Variants in ALPK2 observed in about 807,000 individuals in gnomAD.
ALPK2 encodes alpha kinase 2.
ALPK2 carries 127 observed loss-of-function variants against 163.1 expected under a neutral mutation model. The ratio of observed to expected loss-of-function variants is 0.78; its 90% CI spans 0.67 to 0.90. The LOEUF (loss-of-function observed/expected upper bound fraction) is 0.90, where lower values mean the gene tolerates loss of function less well. Among genes scored for constraint, ALPK2 ranks in the 40% least tolerant of loss-of-function variants. The pLI is 0.00. For missense variants in ALPK2, 2,360 were observed against 2,589.6 expected, an observed-to-expected ratio of 0.91 and a Z score of 1.92; for synonymous variants, 953 against 959.1, an observed-to-expected ratio of 0.99 and a Z score of 0.12.
intron 11 of ALPK2, among the ~76,000 whole-genome samples, chr18:58,501,534 G>A (rs570606364): frequency 2.2e-4 from 34 of 152,160 alleles, no homozygotes; most frequent in Non-Finnish European, 3.7e-4. Context: ...AGGAAGAACC[G>A]TACACATACC....
chr18:58,489,731 A>G (rs2051362650), intron 12 of ALPK2, among the ~76,000 whole-genome samples: 3 of 152,112 alleles, frequency 2.0e-5, no homozygotes. Context: ...TCCCTAGGAC[A>G]TTCAAAATAC....
chr18:58,574,658 A>T (rs2051910003), intron 4 of ALPK2, among the ~76,000 whole-genome samples: 1 of 152,032 alleles, frequency 6.6e-6, no homozygotes. Context: ...TCTGAAGTGG[A>T]ACAGTTTCAT....
Position 58,537,091 on chromosome 18 carries a change from A to G in ALPK2, c.3096T>C (p.His1032=). ...GGAACCTCTCCTCAGTGCCACCTGC[A>G]TGCTTGTCCTCAGGAATTGACACAG... ...YLAVSIPEDK[H]AGGTEERFPR... Residue 1032 remains histidine, a synonymous_variant, in exon 5 of 13, where the codon CAT becomes CAC. Coordinates refer to ENST00000361673, the MANE Select transcript of ALPK2 (RefSeq NM_052947.4). 3 of 1,614,210 alleles carry G rather than the reference A, an allele frequency of 1.9e-6. No individual in the cohort carries two copies. The highest frequency in any genetic ancestry group is 2.5e-6 in the Non-Finnish European group (3 of 1,180,030).
At chr18:58,555,083 T>C (rs923547425) in intron 4 of ALPK2, among the ~76,000 whole-genome samples, 3 of 152,212 alleles carry the variant, frequency 2.0e-5, no homozygotes, top group African/African-American at 4.8e-5. Context: ...CATAGCAGTA[T>C]GAAAATGGAC....
chr18:58,548,671 C>G (rs1384293216), intron 4 of ALPK2, among the ~76,000 whole-genome samples: 5 of 152,148 alleles, frequency 3.3e-5, no homozygotes, highest in African/African-American at 9.7e-5. Flanking sequence ...AGTACAATCA[C>G]AGGTGACGCA....
At chr18:58,519,259 A>C (rs771176229) in intron 8 of ALPK2, among the ~76,000 whole-genome samples, 8 of 152,044 alleles carry the variant, frequency 5.3e-5, no homozygotes, top group Admixed American at 1.3e-4. Context: ...AGGTGAGAAA[A>C]TAGAGGGAAT....
chr18:58,546,421 G>A (rs1469414155), intron 4 of ALPK2, among the ~76,000 whole-genome samples: 2 of 152,182 alleles, frequency 1.3e-5, no homozygotes, highest in Non-Finnish European at 2.9e-5. Context: ...GACATGGTAC[G>A]AGTGGAAGGG....
At chr18:58,506,805 G>A (rs1228336270) in intron 10 of ALPK2, among the ~76,000 whole-genome samples, 1 of 152,152 alleles carries the variant, frequency 6.6e-6, no homozygotes, top group Admixed American at 6.5e-5. Context: ...TCTCTGTGGG[G>A]GTGGCAGGGG....
intron 12 of ALPK2, among the ~76,000 whole-genome samples, chr18:58,490,999 C>T (rs531052515): frequency 1.1e-4 from 17 of 152,316 alleles, no homozygotes; most frequent in African/African-American, 3.8e-4. Flanking sequence ...GAGGAGGGGG[C>T]GTTGTAGGTA....
At chr18:58,567,857 C>T (rs986032222) in intron 4 of ALPK2, among the ~76,000 whole-genome samples, 1 of 152,164 alleles carries the variant, frequency 6.6e-6, no homozygotes, top group South Asian at 2.1e-4. Flanking sequence ...ACTCCAAGCC[C>T]GTGTGTCTAA....
At chr18:58,542,400 C>T (rs544120586) in intron 4 of ALPK2, among the ~76,000 whole-genome samples, 5 of 152,272 alleles carry the variant, frequency 3.3e-5, no homozygotes, top group Non-Finnish European at 7.4e-5. Flanking sequence ...ACAGGCAGAG[C>T]CTTGAGCTAT....
chr18:58,488,755 AGAATT>A (rs2051354320), intron 12 of ALPK2, among the ~76,000 whole-genome samples: 1 of 152,008 alleles, frequency 6.6e-6, no homozygotes, highest in East Asian at 1.9e-4. Context: ...ATGGGGGTGA[AGAATT>A]GAAACAAAGC....
rs78454859 is a variant in ALPK2 at position 58,622,380 on chromosome 18, C to A, written c.-21+6384G>T. On this transcript the variant is annotated intron_variant, in intron 1 of 12. Transcript: ENST00000361673. ...AATTAAATACATAAATAAATAAAACCTGTGTGAGAGTTTAGTACCTCCCCT... is the reference window on the plus strand; with the variant it reads ...AATTAAATACATAAATAAATAAAACATGTGTGAGAGTTTAGTACCTCCCCT... Among the ~76,000 whole-genome samples the A allele has an allele frequency of 5.5e-3, 833 of 152,152 alleles. 4 individuals carry two copies. The highest frequency in any genetic ancestry group is 0.019 in the African/African-American group (802 of 41,498).
At position 58,535,534 on chromosome 18, in the gene ALPK2, A is replaced by C; in HGVS notation, c.4653T>G (p.Ala1551=). 2 of 1,614,202 alleles carry C rather than the reference A, an allele frequency of 1.2e-6. No homozygotes were observed. Among genetic ancestry groups the C allele is most frequent in the East Asian group, 2.2e-5 (1 of 44,886 alleles). The change falls in exon 5 of 13, where the codon GCT becomes GCG. Residue 1551 remains alanine (A), a synonymous_variant. Transcript: ENST00000361673. ...LSSCLPIMTH[A]SLGVDTHNST... ...AGTTGTGCGTGTCAACCCCAAGAGA[A>C]GCGTGAGTCATTATTGGAAGACAAC...
At chr18:58,515,765 A>T (rs1164119453) in intron 9 of ALPK2, among the ~76,000 whole-genome samples, 1 of 152,218 alleles carries the variant, frequency 6.6e-6, no homozygotes, top group Admixed American at 6.5e-5. Context: ...TTAATGCTTG[A>T]CTGTACCTGA....
intron 10 of ALPK2, among the ~76,000 whole-genome samples, chr18:58,506,040 G>A (rs1410283483): frequency 6.6e-6 from 1 of 152,076 alleles, no homozygotes; most frequent in African/African-American, 2.4e-5. Context: ...CGACTTCCTT[G>A]CTTTAAATAC....
chr18:58,531,934 T>TAAA, intron 5 of ALPK2, among the ~76,000 whole-genome samples: 1 of 5,936 alleles, frequency 1.7e-4, no homozygotes, highest in African/African-American at 5.4e-4. Context: ...AGGCTCCGTC[T>TAAA]CAAAAAAAAA....
rs2051938177 is a variant in ALPK2, at chr18:58,578,895, G to A, written c.1881C>T (p.Asn627=). ...GCATGCCTTCTCCCTTGCAATTTGT[G>A]TTGCCTTCTTTGGAGACTGAGTCTG... The part of the protein sequence containing the change: ...TSTDSVSKEG[N]TNCKGEGMQV... Residue 627 remains asparagine, a synonymous_variant, in exon 4 of 13, where the codon AAC becomes AAT. Coordinates refer to ENST00000361673, the MANE Select transcript of ALPK2 (RefSeq NM_052947.4). 1 of 1,614,202 alleles carries A rather than the reference G, an allele frequency of 6.2e-7. No individual in the cohort carries two copies. Among genetic ancestry groups the A allele is most frequent in the African/African-American group, 1.3e-5 (1 of 75,040 alleles).
At chr18:58,530,272 G>A (rs1375332679) in intron 5 of ALPK2, among the ~76,000 whole-genome samples, 1 of 152,220 alleles carries the variant, frequency 6.6e-6, no homozygotes, top group Non-Finnish European at 1.5e-5. Flanking sequence ...TACCCTGGAA[G>A]TGATAATGGG....
Sources: gnomAD v4.1 joint callset for allele counts (sites outside exome capture counted in the v4.1 genomes callset) on GRCh38, gnomAD v4.1.1 for gene constraint, MANE v1.5 for transcripts, NCBI Gene and HGNC (gene_info 2026-07-23, HGNC 2026-07-21) for gene names.